Variants in MEGF9 observed in about 807,000 individuals in gnomAD.
MEGF9 encodes multiple epidermal growth factor-like domains protein 9.
A neutral mutation model predicts 46.8 loss-of-function variants in MEGF9; 6 were observed. That is an observed-to-expected ratio of 0.13 (90% CI 0.07 to 0.25). The LOEUF is 0.25. MEGF9 is among the 10% of genes least tolerant of loss of function. The pLI is 1.00. For missense variants in MEGF9, 683 were observed against 792.4 expected, an observed-to-expected ratio of 0.86 and a Z score of 1.66; for synonymous variants, 302 against 330.7, an observed-to-expected ratio of 0.91 and a Z score of 0.94.
chr9:120,685,270 C>T (rs2043817211), intron 1 of MEGF9, among the ~76,000 whole-genome samples: 1 of 152,238 alleles, frequency 6.6e-6, no homozygotes, highest in African/African-American at 2.4e-5. Flanking sequence ...ACAATGTTTA[C>T]ATCAACATCA....
chr9:120,711,952 T>G (rs1431195786), intron 1 of MEGF9, among the ~76,000 whole-genome samples: 1 of 152,068 alleles, frequency 6.6e-6, no homozygotes. Flanking sequence ...CAGTAAGTGT[T>G]AACTTATTTA....
At chr9:120,645,197 T>C (rs2043620279) in intron 2 of MEGF9, among the ~76,000 whole-genome samples, 1 of 152,214 alleles carries the variant, frequency 6.6e-6, no homozygotes, top group African/African-American at 2.4e-5. Context: ...GGTTTGTTAG[T>C]GAAAAGATTC....
chr9:120,615,273 A>ATACACAC (rs1437657671), intron 3 of MEGF9, among the ~76,000 whole-genome samples: 2 of 147,048 alleles, frequency 1.4e-5, no homozygotes, highest in African/African-American at 5.1e-5. Context: ...ACATATATGT[A>ATACACAC]AGCGTGTGTG....
chr9:120,659,524 T>G lies in MEGF9; in HGVS notation c.653A>C (p.Asn218Thr). Residue 218 changes from asparagine to threonine, a missense_variant, in exon 2 of 6, where the codon AAC becomes ACC. Asn to Thr is a moderately conservative substitution (Grantham distance 65). Transcript: ENST00000373930. ...ACACTCACACTGCCCTGTGGTCTGG[T>G]TGCAGCGATTCACATTCAGGCTTCC... Reference protein sequence around the residue: ...VVGSLNVNRCNQTTGQCECRP... With the variant: ...VVGSLNVNRCTQTTGQCECRP... 6.2e-7 allele frequency: 1 copy of G among 1,613,620 alleles called. No individual in the cohort carries two copies. The highest frequency in any genetic ancestry group is 1.1e-5 in the South Asian group (1 of 90,982).
chr9:120,700,019 G>A (rs961633523), intron 1 of MEGF9, among the ~76,000 whole-genome samples: 2 of 152,116 alleles, frequency 1.3e-5, no homozygotes, highest in Non-Finnish European at 2.9e-5. Flanking sequence ...TTTAATCAAA[G>A]CTATCTTGGT....
intron 2 of MEGF9, among the ~76,000 whole-genome samples, chr9:120,624,094 T>C (rs944430081): frequency 6.6e-6 from 1 of 152,238 alleles, no homozygotes. Context: ...GGTTTTCCCT[T>C]AATAATTCTT....
At chr9:120,660,126 A>AG (rs1310896779) in intron 1 of MEGF9, among the ~76,000 whole-genome samples, 1 of 152,104 alleles carries the variant, frequency 6.6e-6, no homozygotes, top group Non-Finnish European at 1.5e-5. Context: ...CTGATCTGTG[A>AG]GTTGAATGTC....
intron 2 of MEGF9, among the ~76,000 whole-genome samples, chr9:120,636,538 T>A (rs530572501): frequency 6.6e-6 from 1 of 152,290 alleles, no homozygotes; most frequent in African/African-American, 2.4e-5. Context: ...AATTCAAAAA[T>A]TTAAAAACTC....
At chr9:120,652,478 TAAAAAA>T (rs57268783) in intron 2 of MEGF9, among the ~76,000 whole-genome samples, 71 of 85,626 alleles carry the variant, frequency 8.3e-4, no homozygotes, top group African/African-American at 3.1e-3. Context: ...GATCTTGTCT[TAAAAAA>T]AAAAAAAAAA....
intron 1 of MEGF9, among the ~76,000 whole-genome samples, chr9:120,691,816 T>C (rs1271085235): frequency 6.6e-6 from 1 of 152,100 alleles, no homozygotes; most frequent in Non-Finnish European, 1.5e-5. Flanking sequence ...GGCTGAACAT[T>C]ACCGGTTTGG....
At chr9:120,685,133 C>A (rs920677508) in intron 1 of MEGF9, among the ~76,000 whole-genome samples, 66 of 152,242 alleles carry the variant, frequency 4.3e-4, no homozygotes, top group African/African-American at 1.5e-3. Flanking sequence ...CACACCCGGC[C>A]GGGAGGCTTC....
intron 1 of MEGF9, among the ~76,000 whole-genome samples, chr9:120,678,374 A>C (rs2043782934): frequency 6.6e-6 from 1 of 152,210 alleles, no homozygotes; most frequent in South Asian, 2.1e-4. Flanking sequence ...ACAGTTCTCC[A>C]TAGTGGTTGT....
intron 1 of MEGF9, among the ~76,000 whole-genome samples, chr9:120,679,633 A>AAG (rs1049436451): frequency 6.6e-6 from 1 of 152,058 alleles, no homozygotes; most frequent in Non-Finnish European, 1.5e-5. Context: ...TTTAAAAAAA[A>AAG]AGAGAGAGAG....
chr9:120,709,918 G>A (rs1308484178), intron 1 of MEGF9, among the ~76,000 whole-genome samples: 3 of 150,902 alleles, frequency 2.0e-5, no homozygotes, highest in African/African-American at 4.9e-5. Context: ...GCATGGTGGT[G>A]CGCACCTGTA....
intron 2 of MEGF9, among the ~76,000 whole-genome samples, chr9:120,655,260 C>G (rs372184899): frequency 2.0e-5 from 3 of 152,076 alleles, no homozygotes; most frequent in African/African-American, 7.2e-5. Flanking sequence ...ACAGGTGTGC[C>G]GTTTTTATCT....
At chr9:120,623,648 A>C (rs1213302896) in intron 2 of MEGF9, among the ~76,000 whole-genome samples, 1 of 152,230 alleles carries the variant, frequency 6.6e-6, no homozygotes, top group Admixed American at 6.5e-5. Flanking sequence ...AAAAAAGAAA[A>C]GAAGCCACAC....
In MEGF9 at chr9:120,714,430, C is replaced by T; in HGVS notation, c.-72G>A. 8 of 1,184,174 alleles carry T rather than the reference C, an allele frequency of 6.8e-6. No individual in the cohort carries two copies. The highest frequency in any genetic ancestry group is 8.5e-6 in the Non-Finnish European group (8 of 939,140). 73.4% of individuals were successfully genotyped at this position (1,184,174 alleles called of 1,614,324 possible). On this transcript the variant is annotated 5_prime_UTR_variant, in exon 1 of 6. Transcript: ENST00000373930. ...CGACCAAGGAAGCCTCCGCAACCGC[C>T]GCCGCCACCGCCACCGGGCGCACCA...
intron 1 of MEGF9, among the ~76,000 whole-genome samples, chr9:120,690,765 T>C (rs1432509135): frequency 6.6e-6 from 1 of 152,164 alleles, no homozygotes; most frequent in Admixed American, 6.5e-5. Flanking sequence ...TCCTCTGTAT[T>C]ATCCCTAAAG....
chr9:120,606,212 T>C (rs895183711), intron 5 of MEGF9, among the ~76,000 whole-genome samples: 1 of 152,072 alleles, frequency 6.6e-6, no homozygotes, highest in Non-Finnish European at 1.5e-5. Flanking sequence ...ATACCAGTGT[T>C]GGAGTTTTCC....
Sources: allele counts gnomAD v4.1 joint callset (sites outside exome capture counted in the v4.1 genomes callset), GRCh38; gene constraint gnomAD v4.1.1; transcripts MANE v1.5; gene names NCBI Gene and HGNC (gene_info 2026-07-23, HGNC 2026-07-21).